Variants in AGBL1 observed in about 807,000 individuals in gnomAD.
The protein encoded by AGBL1 is AGBL carboxypeptidase 1.
In AGBL1, 130 loss-of-function variants were observed where a neutral mutation model predicts 118.9. The observed-to-expected ratio is 1.09, with a 90% CI of 0.95 to 1.26. The LOEUF (loss-of-function observed/expected upper bound fraction) is 1.26. Among genes scored for constraint, AGBL1 ranks in the 50% most tolerant of loss-of-function variants. AGBL1 has a pLI of 0.00. For synonymous variants in AGBL1, 555 were observed against 478.9 expected (o/e 1.16, Z -2.08); for missense variants, 1,584 against 1,298.1 (o/e 1.22, Z -3.38).
At chr15:86,703,396 G>A (rs1213124342) in intron 22 of AGBL1, among the ~76,000 whole-genome samples, 1 of 152,096 alleles carries the variant, frequency 6.6e-6, no homozygotes, top group East Asian at 1.9e-4. Context: ...GCTTTTAGGT[G>A]AGTTGTTTAC....
chr15:86,723,186 TA>T (rs1472343686), intron 22 of AGBL1, among the ~76,000 whole-genome samples: 1 of 152,208 alleles, frequency 6.6e-6, no homozygotes, highest in African/African-American at 2.4e-5. Flanking sequence ...ATCATGCTGT[TA>T]TAAAGACACA....
chr15:87,018,452 C>A (rs2081629439), intron 24 of AGBL1, among the ~76,000 whole-genome samples: 2 of 152,100 alleles, frequency 1.3e-5, no homozygotes, highest in Middle Eastern at 6.8e-3. Context: ...ATATTGGGGG[C>A]CAATATTCAA....
chr15:86,964,029 C>G (rs146194457), intron 23 of AGBL1, among the ~76,000 whole-genome samples: 6,298 of 136,346 alleles, frequency 0.046, 164 homozygotes, highest in Middle Eastern at 0.078. Flanking sequence ...CTCTCTCTCT[C>G]TCTGTGTGTG....
intron 22 of AGBL1, among the ~76,000 whole-genome samples, chr15:86,826,229 A>G (rs758171840): frequency 2.2e-4 from 34 of 152,216 alleles, no homozygotes; most frequent in African/African-American, 7.9e-4. Context: ...CCCTTTGCCT[A>G]TGTAGGAAAT....
chr15:86,607,273 T>C (rs1332676668), intron 21 of AGBL1, among the ~76,000 whole-genome samples: 1 of 152,186 alleles, frequency 6.6e-6, no homozygotes, highest in Non-Finnish European at 1.5e-5. Flanking sequence ...CATCTGGGGA[T>C]TGGAAGCCAA....
chr15:86,525,156 A>AC (rs1274387252), intron 19 of AGBL1, among the ~76,000 whole-genome samples: 1 of 141,410 alleles, frequency 7.1e-6, no homozygotes, highest in African/African-American at 3.2e-5. Context: ...AACAATAGCT[A>AC]CAAAAAAAAA....
chr15:86,544,685 C>T (rs1346432862), intron 19 of AGBL1, among the ~76,000 whole-genome samples: 1 of 152,118 alleles, frequency 6.6e-6, no homozygotes, highest in Non-Finnish European at 1.5e-5. Flanking sequence ...AGACCTACCC[C>T]CATGATTTAA....
chr15:86,988,001 A>G (rs769735379), exon 24 of AGBL1: 54 of 1,613,418 alleles, frequency 3.3e-5, no homozygotes, highest in Non-Finnish European at 4.5e-5. Context: ...AAATCATCCA[A>G]TTTCCTGCCA....
intron 22 of AGBL1, among the ~76,000 whole-genome samples, chr15:86,789,538 G>A (rs979548407): frequency 3.9e-5 from 6 of 152,262 alleles, no homozygotes; most frequent in East Asian, 1.9e-4. Context: ...GGAAAGCTAA[G>A]GGGGAGGTGA....
At chr15:86,897,414 A>G (rs973448520) in intron 22 of AGBL1, among the ~76,000 whole-genome samples, 9 of 152,166 alleles carry the variant, frequency 5.9e-5, no homozygotes, top group South Asian at 2.1e-4. Context: ...ATTTTTTTCT[A>G]TTATATCTTT....
chr15:86,610,151 G>A (rs1408680571), intron 21 of AGBL1, among the ~76,000 whole-genome samples: 2 of 152,122 alleles, frequency 1.3e-5, no homozygotes, highest in African/African-American at 2.4e-5. Context: ...TCCTCTTTCT[G>A]TAGCATAATA....
rs191913857 is a variant in AGBL1 at position 86,263,206 on chromosome 15, T to G, written c.1086+312T>G. ...CATATTCCTTGATGGTCCCATAAGA[T>G]TATAATACTGTATTTTCACTGCACC... On this transcript the variant is annotated intron_variant, in intron 10 of 22. Transcript: ENST00000614907. Among the ~76,000 whole-genome samples, 975 of 152,332 alleles carry G rather than the reference T, an allele frequency of 6.4e-3. 13 individuals are homozygous for G. Among genetic ancestry groups the G allele is most frequent in the African/African-American group, 0.022 (935 of 41,576 alleles).
chr15:86,668,184 A>G (rs577558148), intron 21 of AGBL1, among the ~76,000 whole-genome samples: 8 of 152,302 alleles, frequency 5.3e-5, no homozygotes, highest in South Asian at 2.1e-4. Flanking sequence ...CACCTCCAAC[A>G]TTGGGGATCA....
At chr15:86,901,332 ATTTTC>A (rs2080209349) in intron 22 of AGBL1, among the ~76,000 whole-genome samples, 1 of 151,868 alleles carries the variant, frequency 6.6e-6, no homozygotes, top group Non-Finnish European at 1.5e-5. Flanking sequence ...TTCATAATGT[ATTTTC>A]TTAATATTTT....
chr15:86,282,249 C>T (rs1431011201), intron 16 of AGBL1, among the ~76,000 whole-genome samples: 1 of 152,102 alleles, frequency 6.6e-6, no homozygotes, highest in Non-Finnish European at 1.5e-5. Flanking sequence ...AAGAGGACCC[C>T]CCTCTCTCCA....
At chr15:86,829,097 G>A (rs925566805) in intron 22 of AGBL1, among the ~76,000 whole-genome samples, 5 of 151,954 alleles carry the variant, frequency 3.3e-5, no homozygotes, top group Admixed American at 1.3e-4. Context: ...TGTTGCCAGA[G>A]AGTAGAAGAT....
chr15:86,083,175 G>A (rs1008197859), intron 1 of AGBL1, among the ~76,000 whole-genome samples: 1 of 151,870 alleles, frequency 6.6e-6, no homozygotes, highest in African/African-American at 2.4e-5. Context: ...TTTTTCCTGG[G>A]TGGACTCCAA....
chr15:86,498,890 G>T (rs575151156), intron 18 of AGBL1, among the ~76,000 whole-genome samples: 1 of 151,764 alleles, frequency 6.6e-6, no homozygotes, highest in African/African-American at 2.4e-5. Context: ...TTTCCTTTCC[G>T]TATTACTCTT....
intron 21 of AGBL1, among the ~76,000 whole-genome samples, chr15:86,648,139 T>A (rs1182070804): frequency 2.0e-5 from 3 of 152,192 alleles, no homozygotes; most frequent in African/African-American, 7.2e-5. Flanking sequence ...AGTGGCATAA[T>A]CTGACTTACA....
Sources: allele counts gnomAD v4.1 joint callset (sites outside exome capture counted in the v4.1 genomes callset), GRCh38; gene constraint gnomAD v4.1.1; transcripts MANE v1.5; gene names NCBI Gene and HGNC (gene_info 2026-07-23, HGNC 2026-07-21).